GREM1: variants seen among roughly 807,000 people sequenced by gnomAD.
GREM1 encodes gremlin-1.
GREM1 carries 6 observed loss-of-function variants against 13.1 expected under a neutral mutation model. That is an observed-to-expected ratio of 0.46 (90% CI 0.25 to 0.91). GREM1 has a LOEUF of 0.91. Among genes scored for constraint, GREM1 ranks in the 40% least tolerant of loss-of-function variants. GREM1 has a pLI of 0.18. For missense variants in GREM1, 185 were observed against 233.9 expected (o/e 0.79, Z 1.36); for synonymous variants, 98 against 93.7 (o/e 1.05, Z -0.27).
At chr15:32,726,871 T>C (rs1003881013) in intron 1 of GREM1, among the ~76,000 whole-genome samples, 6 of 152,054 alleles carry the variant, frequency 3.9e-5, no homozygotes, top group Non-Finnish European at 7.4e-5. Flanking sequence ...CAGAGAATAC[T>C]ATAAACACCT....
chr15:32,727,276 C>A (rs373086352), intron 1 of GREM1, among the ~76,000 whole-genome samples: 20 of 152,196 alleles, frequency 1.3e-4, no homozygotes, highest in African/African-American at 4.8e-4. Context: ...ACTGGCAGCA[C>A]ATCAAAAAGC....
At chr15:32,724,614 G>A (rs566227497) in intron 1 of GREM1, among the ~76,000 whole-genome samples, 70 of 151,476 alleles carry the variant, frequency 4.6e-4, no homozygotes, top group African/African-American at 1.5e-3. Flanking sequence ...ATAACTGGGC[G>A]TTTCTCATAA....
In GREM1 at chr15:32,742,952, T is replaced by TG. The variant is rs1325943599; in HGVS notation, c.*11709dup. On this transcript the variant is annotated 3_prime_UTR_variant, in exon 2 of 2. Transcript: ENST00000651154. The stretch of plus-strand genomic sequence containing the variant: ...AGAGAAAGTTTCATGACATTGCCCT[T>TG]GGCAATGATTTCATGTACATAACAA... 3 of 152,216 alleles carry TG rather than the reference T, an allele frequency of 2.0e-5. No homozygotes were observed. The highest frequency in any genetic ancestry group is 2.9e-5 in the Non-Finnish European group (2 of 68,030). 9.4% of individuals were successfully genotyped at this position (152,216 alleles called of 1,614,324 possible). A position where few individuals can be genotyped will look rare whatever the true frequency, so the allele number is the denominator to read the frequency against.
rs901168473 is a variant in GREM1, at chr15:32,743,392, AAT to A, written c.*12148_*12149del. The A allele has an allele frequency of 3.3e-5, 5 of 152,210 alleles. No individual in the cohort carries two copies. Among genetic ancestry groups the A allele is most frequent in the African/African-American group, 1.2e-4 (5 of 41,452 alleles). 9.4% of individuals were successfully genotyped at this position (152,210 alleles called of 1,614,324 possible). A position where few individuals can be genotyped will look rare whatever the true frequency, so the allele number is the denominator to read the frequency against. On this transcript the variant is annotated 3_prime_UTR_variant, in exon 2 of 2. Transcript: ENST00000651154. ...GTAAAGGGAAGAGGATATCCTGATGAATTTTTTTCTTGGATTGAGCCATGTCT... is the reference window on the plus strand; with the variant it reads ...GTAAAGGGAAGAGGATATCCTGATGATTTTTTCTTGGATTGAGCCATGTCT...
chr15:32,738,176 T>C lies in GREM1; in HGVS notation c.*6931T>C, dbSNP rs982865344. On this transcript the variant is annotated 3_prime_UTR_variant, in exon 2 of 2. Coordinates refer to ENST00000651154, the MANE Select transcript of GREM1 (RefSeq NM_013372.7). ...CCAGATTGGAAAAGAAATAAAATGA[T>C]TTCAATTTTAAGATGACATAATATT... 8.4e-6 allele frequency: 1 copy of C among 118,628 alleles called. No individual in the cohort carries two copies. The highest frequency in any genetic ancestry group is 3.0e-5 in the African/African-American group (1 of 32,826). 7.3% of individuals were successfully genotyped at this position (118,628 alleles called of 1,614,324 possible). A position where few individuals can be genotyped will look rare whatever the true frequency, so the allele number is the denominator to read the frequency against.
chr15:32,719,129 G>C (rs549689287), intron 1 of GREM1: 12 of 154,170 alleles, frequency 7.8e-5, no homozygotes, highest in Admixed American at 7.1e-4. Flanking sequence ...TGCCTGGCTG[G>C]CTCCGCTGGC....
At position 32,744,807 on chromosome 15, in the gene GREM1, G is replaced by A. The variant is rs1055432265; in HGVS notation, c.*13562G>A. On this transcript the variant is annotated 3_prime_UTR_variant, in exon 2 of 2. Transcript: ENST00000651154. ...AGATAACTTATCTTCCAGCAGATCC[G>A]GAGCTCCATTTTGTAGACAGAAATG... 2.0e-5 allele frequency: 3 copies of A among 151,934 alleles called. No homozygotes were observed. The highest frequency in any genetic ancestry group is 3.9e-4 in the East Asian group (2 of 5,170). The allele number at this position is 151,934 out of a possible 1,614,324, so 9.4% of individuals were successfully genotyped here.
intron 1 of GREM1, among the ~76,000 whole-genome samples, chr15:32,727,938 G>A (rs1161974943): frequency 6.6e-6 from 1 of 152,114 alleles, no homozygotes; most frequent in Non-Finnish European, 1.5e-5. Context: ...GGGATGTGAA[G>A]GACCTCTTCA....
chr15:32,723,536 G>T (rs914226996), intron 1 of GREM1, among the ~76,000 whole-genome samples: 1 of 151,318 alleles, frequency 6.6e-6, no homozygotes, highest in African/African-American at 2.4e-5. Context: ...AAGTACTAAA[G>T]ATTTTTGAAG....
At position 32,730,814 on chromosome 15, in the gene GREM1, A is replaced by G. The variant is rs1458721312; in HGVS notation, c.124A>G (p.Asn42Asp). The G allele has an allele frequency of 6.2e-7, 1 of 1,613,972 alleles. No individual in the cohort carries two copies. Among genetic ancestry groups the G allele is most frequent in the Non-Finnish European group, 8.5e-7 (1 of 1,179,982 alleles). Reference sequence around the variant, plus strand: ...CCCCCCGCCAGACAAGGCCCAGCACAATGACTCAGAGCAGACTCAGTCGCC... The same window carrying G: ...CCCCCCGCCAGACAAGGCCCAGCACGATGACTCAGAGCAGACTCAGTCGCC... ...AIPPPDKAQH[N>D]DSEQTQSPQQ... The change falls in exon 2 of 2, where the codon AAT (asparagine) becomes GAT (aspartate). Residue 42 changes from asparagine (N) to aspartate (D), a missense_variant. Coordinates refer to ENST00000651154, the MANE Select transcript of GREM1 (RefSeq NM_013372.7).
At chr15:32,719,486 C>G (rs1595842371) in intron 1 of GREM1, among the ~76,000 whole-genome samples, 1 of 152,174 alleles carries the variant, frequency 6.6e-6, no homozygotes, top group East Asian at 1.9e-4. Context: ...TCGACCGACT[C>G]CGAATCTCGG....
At chr15:32,719,401 G>C (rs555245208) in intron 1 of GREM1, among the ~76,000 whole-genome samples, 2 of 152,218 alleles carry the variant, frequency 1.3e-5, no homozygotes, top group Middle Eastern at 3.2e-3. Flanking sequence ...AGCCTCTGCT[G>C]TGAAGAAATT....
chr15:32,724,279 A>C (rs534814202), intron 1 of GREM1, among the ~76,000 whole-genome samples: 1 of 152,208 alleles, frequency 6.6e-6, no homozygotes, highest in Non-Finnish European at 1.5e-5. Context: ...TATGCAGTGA[A>C]CATACATTCC....
At chr15:32,729,653 C>G (rs2055579283) in intron 1 of GREM1, among the ~76,000 whole-genome samples, 1 of 152,148 alleles carries the variant, frequency 6.6e-6, no homozygotes, top group African/African-American at 2.4e-5. Flanking sequence ...CCTTTCAGAC[C>G]CATATCTAGC....
At position 32,730,965 on chromosome 15, in the gene GREM1, A is replaced by G; in HGVS notation, c.275A>G (p.Asp92Gly). 6.2e-7 allele frequency: 1 copy of G among 1,614,180 alleles called. No homozygotes were observed. Among genetic ancestry groups the G allele is most frequent in the Non-Finnish European group, 8.5e-7 (1 of 1,180,032 alleles). The part of the protein sequence containing the change: ...HVTERKYLKR[D>G]WCKTQPLKQT... ...ACGGAGCGCAAATACCTGAAGCGAGACTGGTGCAAAACCCAGCCGCTTAAG... is the reference window on the plus strand; with the variant it reads ...ACGGAGCGCAAATACCTGAAGCGAGGCTGGTGCAAAACCCAGCCGCTTAAG... The change falls in exon 2 of 2, where the codon GAC (aspartate) becomes GGC (glycine). Residue 92 changes from aspartate (D) to glycine (G), a missense_variant. Asp to Gly is a moderately conservative substitution (Grantham distance 94). Coordinates refer to ENST00000651154, the MANE Select transcript of GREM1 (RefSeq NM_013372.7).
At chr15:32,727,581 G>A (rs1036672104) in intron 1 of GREM1, among the ~76,000 whole-genome samples, 16 of 151,728 alleles carry the variant, frequency 1.1e-4, no homozygotes, top group Admixed American at 3.3e-4. Flanking sequence ...TTTGAAAACC[G>A]CCACAAGGAT....
chr15:32,736,794 T>C lies in GREM1; in HGVS notation c.*5549T>C, dbSNP rs899925166. 6.6e-6 allele frequency: 1 copy of C among 152,220 alleles called. No individual in the cohort carries two copies. The highest frequency in any genetic ancestry group is 2.4e-5 in the African/African-American group (1 of 41,450). 9.4% of individuals were successfully genotyped at this position (152,220 alleles called of 1,614,324 possible). A position where few individuals can be genotyped will look rare whatever the true frequency, so the allele number is the denominator to read the frequency against. Reference sequence around the variant, plus strand: ...CGATCAAACCATGCATGGCCCTGCCTGCATGTGGGAATCCTCATCCAAGTC... The same window carrying C: ...CGATCAAACCATGCATGGCCCTGCCCGCATGTGGGAATCCTCATCCAAGTC... On this transcript the variant is annotated 3_prime_UTR_variant, in exon 2 of 2. Coordinates refer to ENST00000651154, the MANE Select transcript of GREM1 (RefSeq NM_013372.7).
rs1004360159 is a variant in GREM1, at chr15:32,744,711, G to C, written c.*13466G>C. ...TGTACAGATGCAGGATAACAATGCAGTGTTATCCTGCATCTGTACAATCAA... is the reference window on the plus strand; with the variant it reads ...TGTACAGATGCAGGATAACAATGCACTGTTATCCTGCATCTGTACAATCAA... On this transcript the variant is annotated 3_prime_UTR_variant, in exon 2 of 2. Coordinates refer to ENST00000651154, the MANE Select transcript of GREM1 (RefSeq NM_013372.7). 37 of 151,474 alleles carry C rather than the reference G, an allele frequency of 2.4e-4. No homozygotes were observed. Among genetic ancestry groups the C allele is most frequent in the African/African-American group, 9.0e-4 (37 of 41,202 alleles). 9.4% of individuals were successfully genotyped at this position (151,474 alleles called of 1,614,324 possible).
rs1274736404 is a variant in GREM1, at chr15:32,735,496, A to T, written c.*4251A>T. The T allele has an allele frequency of 1.3e-5, 2 of 152,214 alleles. No individual in the cohort carries two copies. The highest frequency in any genetic ancestry group is 4.8e-5 in the African/African-American group (2 of 41,460). 9.4% of individuals were successfully genotyped at this position (152,214 alleles called of 1,614,324 possible). The stretch of plus-strand genomic sequence containing the variant: ...CGGTTTGTTCTTTTAAGAACATAAC[A>T]CAGCACTCTAAAAATAGATCTAACT... On this transcript the variant is annotated 3_prime_UTR_variant, in exon 2 of 2. Coordinates refer to ENST00000651154, the MANE Select transcript of GREM1 (RefSeq NM_013372.7).
Sources: allele counts gnomAD v4.1 joint callset (sites outside exome capture counted in the v4.1 genomes callset), GRCh38; gene constraint gnomAD v4.1.1; transcripts MANE v1.5; gene names NCBI Gene and HGNC (gene_info 2026-07-23, HGNC 2026-07-21).